Variants in FTO observed in about 807,000 individuals in gnomAD.
FTO encodes alpha-ketoglutarate-dependent dioxygenase FTO.
A neutral mutation model predicts 63.9 loss-of-function variants in FTO; 47 were observed. The observed-to-expected ratio is 0.74, with a 90% confidence interval of 0.58 to 0.94. The LOEUF is 0.94. Ranked by LOEUF, FTO falls within the 40% of genes least tolerant of loss-of-function variation. The pLI is 0.00. For synonymous variants in FTO, 207 were observed against 224.4 expected (o/e 0.92, Z 0.69); for missense variants, 562 against 618.1 (o/e 0.91, Z 0.96).
intron 4 of FTO, among the ~76,000 whole-genome samples, chr16:53,867,493 ATGTGTGTGTGTG>A (rs150516029): frequency 1.6e-4 from 22 of 140,330 alleles, no homozygotes; most frequent in South Asian, 2.2e-4. Flanking sequence ...TACGCCACAT[ATGTGTGTGTGTG>A]TGTGTGTGTG....
At chr16:54,078,144 G>A (rs372215439) in intron 8 of FTO, among the ~76,000 whole-genome samples, 300 of 151,862 alleles carry the variant, frequency 2.0e-3, no homozygotes, top group Non-Finnish European at 2.4e-3. Context: ...AAAATCTTCC[G>A]TTGGTCTAAA....
At chr16:54,103,069 A>T (rs1237693508) in intron 8 of FTO, among the ~76,000 whole-genome samples, 1 of 152,146 alleles carries the variant, frequency 6.6e-6, no homozygotes, top group Non-Finnish European at 1.5e-5. Flanking sequence ...GGATCACTGG[A>T]GCCCAGGAGT....
At chr16:53,998,052 G>T (rs1466510339) in intron 8 of FTO, among the ~76,000 whole-genome samples, 1 of 152,148 alleles carries the variant, frequency 6.6e-6, no homozygotes, top group Non-Finnish European at 1.5e-5. Flanking sequence ...CCTCTTTTAT[G>T]TAACCATCTG....
At chr16:53,890,913 C>G (rs1212488209) in intron 7 of FTO, among the ~76,000 whole-genome samples, 2 of 151,976 alleles carry the variant, frequency 1.3e-5, no homozygotes, top group Non-Finnish European at 2.9e-5. Flanking sequence ...GGCTCTAAGA[C>G]ATCAGCTTGA....
chr16:54,090,839 G>T (rs1188305123), intron 8 of FTO, among the ~76,000 whole-genome samples: 1 of 152,124 alleles, frequency 6.6e-6, no homozygotes, highest in Admixed American at 6.6e-5. Context: ...GAGCAGCTGG[G>T]ACCAAAAAGC....
chr16:53,712,838 A>G lies in FTO; in HGVS notation c.45+8609A>G, dbSNP rs531824509. Among the ~76,000 whole-genome samples the G allele has an allele frequency of 2.0e-5, 3 of 152,272 alleles. No homozygotes were observed. The South Asian group carries it at 6.2e-4, about 32-fold the overall frequency. ...TGTTATGTGATATATGTGACCCTTC[A>G]TAATTATGATTCTGGATCCTTGGCT... On this transcript the variant is annotated intron_variant, in intron 1 of 8. Coordinates refer to ENST00000471389, the MANE Select transcript of FTO (RefSeq NM_001080432.3).
At chr16:53,836,281 C>A (rs2079290469) in intron 3 of FTO, among the ~76,000 whole-genome samples, 1 of 152,128 alleles carries the variant, frequency 6.6e-6, no homozygotes, top group Non-Finnish European at 1.5e-5. Flanking sequence ...TACCTAGCAC[C>A]CTGGTCAAGA....
At chr16:54,059,160 C>T (rs2085511755) in intron 8 of FTO, among the ~76,000 whole-genome samples, 1 of 152,218 alleles carries the variant, frequency 6.6e-6, no homozygotes, top group South Asian at 2.1e-4. Flanking sequence ...CCCTGGGCCA[C>T]AGTGGCTGTG....
intron 1 of FTO, among the ~76,000 whole-genome samples, chr16:53,717,723 A>G (rs1380065481): frequency 6.6e-6 from 1 of 151,920 alleles, no homozygotes; most frequent in Non-Finnish European, 1.5e-5. Context: ...TCTAGAATTT[A>G]GTTGGTGTTA....
intron 8 of FTO, among the ~76,000 whole-genome samples, chr16:54,061,450 T>G (rs1179374391): frequency 6.6e-6 from 1 of 152,246 alleles, no homozygotes; most frequent in African/African-American, 2.4e-5. Flanking sequence ...TTTTGCCATC[T>G]GACTTCATGG....
intron 1 of FTO, among the ~76,000 whole-genome samples, chr16:53,752,215 TTG>T (rs1287031612): frequency 1.3e-5 from 2 of 152,202 alleles, no homozygotes; most frequent in African/African-American, 4.8e-5. Context: ...CTGTTACTAT[TTG>T]TGTAAAATGC....
chr16:54,078,105 T>C (rs2086045509), intron 8 of FTO, among the ~76,000 whole-genome samples: 1 of 152,040 alleles, frequency 6.6e-6, no homozygotes, highest in African/African-American at 2.4e-5. Context: ...TCACCATCAG[T>C]TGTGATCAAT....
At chr16:53,772,757 C>T (rs1473572257) in intron 1 of FTO, among the ~76,000 whole-genome samples, 1 of 152,048 alleles carries the variant, frequency 6.6e-6, no homozygotes, top group Non-Finnish European at 1.5e-5. Flanking sequence ...GAAGCAGTCT[C>T]CATGGGAAAA....
At chr16:54,003,548 G>A (rs2084121498) in intron 8 of FTO, among the ~76,000 whole-genome samples, 1 of 151,992 alleles carries the variant, frequency 6.6e-6, no homozygotes, top group South Asian at 2.1e-4. Context: ...TAGAGACAGG[G>A]TCTTGCTATG....
chr16:53,848,792 G>T (rs539420746), intron 4 of FTO, among the ~76,000 whole-genome samples: 1 of 152,162 alleles, frequency 6.6e-6, no homozygotes, highest in Non-Finnish European at 1.5e-5. Context: ...CAGGAGCTGG[G>T]TGTGGAGGTG....
chr16:54,008,409 T>TG (rs1206847352), intron 8 of FTO: 1 of 105,368 alleles, frequency 9.5e-6, no homozygotes. Context: ...ATTTTTTTTC[T>TG]GTTTTTTTTT....
intron 8 of FTO, among the ~76,000 whole-genome samples, chr16:54,076,864 A>G (rs1482077932): frequency 6.6e-6 from 1 of 152,204 alleles, no homozygotes; most frequent in Non-Finnish European, 1.5e-5. Flanking sequence ...TGAATTAAAT[A>G]TTGAACCTCT....
At chr16:54,011,865 G>A (rs1168097094) in intron 8 of FTO, among the ~76,000 whole-genome samples, 10 of 152,124 alleles carry the variant, frequency 6.6e-5, no homozygotes, top group Admixed American at 6.5e-4. Context: ...TAAATGTTGT[G>A]TGTGTTCTGA....
chr16:53,756,371 G>A (rs950862330), intron 1 of FTO, among the ~76,000 whole-genome samples: 1 of 152,178 alleles, frequency 6.6e-6, no homozygotes, highest in African/African-American at 2.4e-5. Context: ...GATTTCACCT[G>A]CTTTGTTAAG....
Sources: gnomAD v4.1 joint callset for allele counts (sites outside exome capture counted in the v4.1 genomes callset) on GRCh38, gnomAD v4.1.1 for gene constraint, MANE v1.5 for transcripts, NCBI Gene and HGNC (gene_info 2026-07-23, HGNC 2026-07-21) for gene names.